FBXL18: variants seen among roughly 807,000 people sequenced by gnomAD.
FBXL18 encodes F-box and leucine rich repeat protein 18.
In FBXL18, 36 loss-of-function variants were observed where a neutral mutation model predicts 46.0. The ratio of observed to expected loss-of-function variants is 0.78; its 90% confidence interval spans 0.60 to 1.03. The LOEUF (loss-of-function observed/expected upper bound fraction) is 1.03. Ranked by LOEUF, FBXL18 falls within the 50% of genes least tolerant of loss-of-function variation. The pLI is 0.00. For missense variants in FBXL18, 977 were observed against 1,004.1 expected (o/e 0.97, Z 0.36); for synonymous variants, 557 against 465.3 (o/e 1.20, Z -2.54).
intron 4 of FBXL18, among the ~76,000 whole-genome samples, chr7:5,488,429 G>C (rs78315112): frequency 0.081 from 12,382 of 152,208 alleles, 674 homozygotes; most frequent in African/African-American, 0.16. Flanking sequence ...GAGCACAGCC[G>C]TCCTGAACTG....
chr7:5,477,468 C>T lies in FBXL18; in HGVS notation c.*4307G>A, dbSNP rs538238891. 6.6e-6 allele frequency among the ~76,000 whole-genome samples: 1 copy of T among 151,970 alleles called. No individual in the cohort carries two copies. The highest frequency in any genetic ancestry group is 1.5e-5 in the Non-Finnish European group (1 of 68,006). ...CTGTTATCCTAGCACTTTGGGAGGC[C>T]GAGGCAGGAGAATCACTTGAGGTCA... On this transcript the variant is annotated 3_prime_UTR_variant, in exon 5 of 5. Transcript: ENST00000382368. This position sits in a 1 kb window ranked among gnomAD's most constrained non-coding sequence, Gnocchi z 4.4.
chr7:5,510,678 C>T (rs1428565434), intron 1 of FBXL18, among the ~76,000 whole-genome samples: 1 of 146,112 alleles, frequency 6.8e-6, no homozygotes, highest in African/African-American at 2.6e-5. Context: ...AGAGTGAGAT[C>T]CTGTCTCCAA....
At chr7:5,497,385 G>A (rs889520122) in intron 3 of FBXL18, among the ~76,000 whole-genome samples, 1 of 152,112 alleles carries the variant, frequency 6.6e-6, no homozygotes, top group Non-Finnish European at 1.5e-5. Flanking sequence ...GCAGTGGCTC[G>A]AGCTGAGAAT....
chr7:5,498,222 G>A lies in FBXL18; in HGVS notation c.1781+2266C>T, dbSNP rs189264528. 2.7e-3 allele frequency among the ~76,000 whole-genome samples: 409 copies of A among 151,872 alleles called. 6 individuals carry two copies. Among genetic ancestry groups the A allele is most frequent in the African/African-American group, 9.3e-3 (387 of 41,430 alleles). On this transcript the variant is annotated intron_variant, in intron 3 of 4. Coordinates refer to ENST00000382368, the MANE Select transcript of FBXL18 (RefSeq NM_024963.6). ...CCTGCCTCAGCCTCCTAAGCAGCTG[G>A]GACTACAGGCGCCCACCACCACGCC...
At chr7:5,470,710 TGTCCCCTTCCC>T (rs1783414845) in intron 4 of FBXL18, among the ~76,000 whole-genome samples, 11 of 1,340 alleles carry the variant, frequency 8.2e-3, no homozygotes, top group African/African-American at 0.05. Context: ...GGGGGGGAGA[TGTCCCCTTCCC>T]GGGGGGGAGA....
At chr7:5,507,124 CTG>C (rs1477869176) in intron 1 of FBXL18, among the ~76,000 whole-genome samples, 2 of 152,178 alleles carry the variant, frequency 1.3e-5, no homozygotes, top group Non-Finnish European at 2.9e-5. Flanking sequence ...TTTCTGGGGA[CTG>C]TGTCTACACG....
chr7:5,482,133 G>A (rs186178023), intron 4 of FBXL18, among the ~76,000 whole-genome samples: 139 of 152,272 alleles, frequency 9.1e-4, no homozygotes, highest in African/African-American at 3.2e-3. Context: ...GGAGGAGCAC[G>A]GCAGCCGGGA....
chr7:5,513,760 G>C lies in FBXL18; in HGVS notation c.-86C>G. On this transcript the variant is annotated 5_prime_UTR_variant, in exon 1 of 5. Coordinates refer to ENST00000382368, the MANE Select transcript of FBXL18 (RefSeq NM_024963.6). ...GGCTAGGGATGCTCGAAGCCGGCGC[G>C]TCCACCGCTCAACCGAGACCCCGGC... 2 of 1,530,926 alleles carry C rather than the reference G, an allele frequency of 1.3e-6. No homozygotes were observed. Among genetic ancestry groups the C allele is most frequent in the Non-Finnish European group, 1.8e-6 (2 of 1,133,126 alleles). The allele number at this position is 1,530,926 out of a possible 1,614,324, so 94.8% of individuals were successfully genotyped here.
intron 1 of FBXL18, among the ~76,000 whole-genome samples, chr7:5,506,156 T>C (rs1415813206): frequency 6.6e-6 from 1 of 152,150 alleles, no homozygotes; most frequent in African/African-American, 2.4e-5. Context: ...AGACAGGGTC[T>C]TGCTATGCTG....
intron 3 of FBXL18, among the ~76,000 whole-genome samples, chr7:5,493,655 T>TTG (rs150913470): frequency 1.4e-5 from 2 of 144,922 alleles, no homozygotes; most frequent in African/African-American, 2.5e-5. Context: ...TTATTTACTT[T>TTG]TGTGTGTGTG....
chr7:5,507,340 C>T (rs1441328507), intron 1 of FBXL18, among the ~76,000 whole-genome samples: 1 of 152,166 alleles, frequency 6.6e-6, no homozygotes, highest in Non-Finnish European at 1.5e-5. Flanking sequence ...GGATTCCCAT[C>T]CTGCTAAGCC....
rs1329390704 is a variant in FBXL18, at chr7:5,501,082, T to G, written c.1187A>C (p.His396Pro). 3 of 1,611,558 alleles carry G rather than the reference T, an allele frequency of 1.9e-6. No homozygotes were observed. The highest frequency in any genetic ancestry group is 1.3e-5 in the African/African-American group (1 of 74,840). ...GTGGCGGCCCAGGCCCTCCGAGCTG[T>G]GGTGGTGGGCGGCCGAGAGGTTCAG... ...RHLNLSAAHH[H>P]SSEGLGRHLC... Residue 396 changes from histidine to proline, a missense_variant, in exon 3 of 5, where the codon CAC (histidine) becomes CCC (proline). Transcript: ENST00000382368.
chr7:5,508,616 A>C (rs911400826), intron 1 of FBXL18, among the ~76,000 whole-genome samples: 1 of 151,874 alleles, frequency 6.6e-6, no homozygotes, highest in Non-Finnish European at 1.5e-5. Context: ...CTCAAAAAAA[A>C]AAAAAGATAA....
At chr7:5,493,575 G>A (rs529262294) in intron 3 of FBXL18, among the ~76,000 whole-genome samples, 48 of 152,172 alleles carry the variant, frequency 3.2e-4, no homozygotes, top group African/African-American at 1.1e-3. Context: ...GATTACAGGC[G>A]TGGGCCACTG....
chr7:5,459,264 G>A (rs7794625), intron 4 of FBXL18, among the ~76,000 whole-genome samples: 4,750 of 152,290 alleles, frequency 0.031, 129 homozygotes, highest in Non-Finnish European at 0.041. Flanking sequence ...ATGGACCACA[G>A]GGCCCTGGCC....
intron 2 of FBXL18, among the ~76,000 whole-genome samples, chr7:5,502,687 TG>T (rs978518905): frequency 6.6e-6 from 1 of 151,276 alleles, no homozygotes; most frequent in Non-Finnish European, 1.5e-5. Flanking sequence ...AAAAATTAGC[TG>T]GGTGTGGTGG....
chr7:5,483,740 G>T (rs963443877), intron 4 of FBXL18, among the ~76,000 whole-genome samples: 2 of 139,312 alleles, frequency 1.4e-5, no homozygotes, highest in Non-Finnish European at 3.2e-5. Flanking sequence ...GCAAAACTCC[G>T]TCTCAAAAAA....
In FBXL18 at chr7:5,481,588, T is replaced by C. The variant is rs10046576; in HGVS notation, c.*187A>G. ...TCACCCAGAACGCATCCCCTCGACC[T>C]AAACTTCACAGAGCAACAGTCCCCA... On this transcript the variant is annotated 3_prime_UTR_variant, in exon 5 of 5. Coordinates refer to ENST00000382368, the MANE Select transcript of FBXL18 (RefSeq NM_024963.6). The C allele has an allele frequency of 0.92, 582,458 of 633,412 alleles. 268,161 individuals carry two copies. The highest frequency in any genetic ancestry group is 0.97 in the African/African-American group (52,354 of 53,762). The allele number at this position is 633,412 out of a possible 1,614,324, so 39.2% of individuals were successfully genotyped here. A position where few individuals can be genotyped will look rare whatever the true frequency, so the allele number is the denominator to read the frequency against.
chr7:5,505,113 C>T (rs990223000), intron 2 of FBXL18, among the ~76,000 whole-genome samples: 1 of 151,718 alleles, frequency 6.6e-6, no homozygotes, highest in East Asian at 1.9e-4. Flanking sequence ...AGCAATTCCA[C>T]TCCTAGCGAT....
Sources: gnomAD v4.1 joint callset for allele counts (sites outside exome capture counted in the v4.1 genomes callset) on GRCh38, gnomAD v4.1.1 for gene constraint, Gnocchi (gnomAD v3.1) non-coding constraint, MANE v1.5 for transcripts, NCBI Gene and HGNC (gene_info 2026-07-23, HGNC 2026-07-21) for gene names.